STXBP5: variants seen among roughly 807,000 people sequenced by gnomAD.
STXBP5 encodes the protein syntaxin binding protein 5.
A neutral mutation model predicts 152.4 loss-of-function variants in STXBP5; 50 were observed. The observed-to-expected ratio is 0.33, with a 90% CI of 0.26 to 0.42. STXBP5 has a LOEUF of 0.42. STXBP5 is among the 10% of genes least tolerant of loss of function. The pLI is 1.00. For missense variants in STXBP5, 1,167 were observed against 1,388.6 expected (o/e 0.84, Z 2.54); for synonymous variants, 492 against 494.7 (o/e 0.99, Z 0.07).
chr6:147,301,647 C>T (rs1781822116), intron 9 of STXBP5, among the ~76,000 whole-genome samples: 2 of 152,146 alleles, frequency 1.3e-5, no homozygotes, highest in Admixed American at 6.6e-5. Flanking sequence ...AGAATATTTT[C>T]TCCCAGTCTT....
chr6:147,327,346 T>C lies in STXBP5; in HGVS notation c.2080+70T>C, dbSNP rs995957283. On this transcript the variant is annotated intron_variant, in intron 18 of 27. Transcript: ENST00000321680. ...AAATGCTGGCTTACTTTTGTGAATA[T>C]AAGTATTATAGTTAGGTAAATAGCT... 3.3e-6 allele frequency: 5 copies of C among 1,527,620 alleles called. No individual in the cohort carries two copies. The African/African-American group carries it at 6.9e-5, about 21-fold the overall frequency. 94.6% of individuals were successfully genotyped at this position (1,527,620 alleles called of 1,614,324 possible).
At chr6:147,276,038 A>C (rs1044833642) in intron 7 of STXBP5, among the ~76,000 whole-genome samples, 1 of 152,168 alleles carries the variant, frequency 6.6e-6, no homozygotes, top group Admixed American at 6.5e-5. Context: ...GATTTTGAGC[A>C]TGTGTCAGAT....
chr6:147,329,256 ATAT>A (rs1172596983), intron 18 of STXBP5, among the ~76,000 whole-genome samples: 1 of 148,262 alleles, frequency 6.7e-6, no homozygotes, highest in East Asian at 1.9e-4. Context: ...TATTATATTT[ATAT>A]TATTATTTGC....
At position 147,384,707 on chromosome 6, in the gene STXBP5, C is replaced by T. The variant is rs1202761246; in HGVS notation, c.3415-7C>T. On this transcript the variant is annotated splice_polypyrimidine_tract_variant and splice_region_variant and intron_variant, in intron 27 of 27. Coordinates refer to ENST00000321680, the MANE Select transcript of STXBP5 (RefSeq NM_001127715.4). The stretch of plus-strand genomic sequence containing the variant: ...AAAGCATGTTTTTCTTTTTTTTCCC[C>T]CTTTAGATTATGTTGAAATACAAAG... The T allele has an allele frequency of 4.3e-6, 7 of 1,609,218 alleles. No individual in the cohort carries two copies. In the African/African-American group the frequency reaches 6.7e-5, roughly 15 times the overall value.
At chr6:147,250,046 G>C (rs1188821299) in intron 4 of STXBP5, among the ~76,000 whole-genome samples, 2 of 152,172 alleles carry the variant, frequency 1.3e-5, no homozygotes, top group African/African-American at 4.8e-5. Context: ...AATTGCATCA[G>C]TAGAACATTG....
At chr6:147,353,108 C>T (rs955631277) in intron 21 of STXBP5, among the ~76,000 whole-genome samples, 6 of 152,130 alleles carry the variant, frequency 3.9e-5, no homozygotes, top group African/African-American at 1.4e-4. Context: ...CACACCACTG[C>T]ACTCAGCCTG....
chr6:147,236,406 T>C (rs1778271158), intron 3 of STXBP5, among the ~76,000 whole-genome samples: 1 of 152,200 alleles, frequency 6.6e-6, no homozygotes, highest in Admixed American at 6.5e-5. Context: ...TATGGAATCA[T>C]TATACTCATG....
chr6:147,280,844 A>G (rs916580379), intron 8 of STXBP5, among the ~76,000 whole-genome samples: 7 of 152,190 alleles, frequency 4.6e-5, no homozygotes, highest in Non-Finnish European at 1.0e-4. Context: ...TGAAATATAA[A>G]TGGATTTTTT....
intron 16 of STXBP5, among the ~76,000 whole-genome samples, chr6:147,321,118 T>A (rs749670174): frequency 9.9e-5 from 15 of 152,264 alleles, no homozygotes; most frequent in African/African-American, 2.9e-4. Context: ...GTGATTTTTT[T>A]AAAAATCACA....
At chr6:147,205,667 T>G (rs1776511890) in intron 1 of STXBP5, among the ~76,000 whole-genome samples, 1 of 152,148 alleles carries the variant, frequency 6.6e-6, no homozygotes. Context: ...ATTGCAAACT[T>G]TAGTCATCTG....
rs1031035415 is a variant in STXBP5, at chr6:147,329,751, G to A, written c.2080+2475G>A. Among the ~76,000 whole-genome samples, 5 of 143,708 alleles carry A rather than the reference G, an allele frequency of 3.5e-5. No homozygotes were observed. In the South Asian group the frequency reaches 7.0e-4, roughly 20 times the overall value. The allele number at this position is 143,708 out of a possible 152,430, so 94.3% of individuals were successfully genotyped here. On this transcript the variant is annotated intron_variant, in intron 18 of 27. Transcript: ENST00000321680. ...CGCCATTCTCCTGCCTCAGCCTCCC[G>A]AGTAGCTGGGACTACAGGCGCCCGC...
At chr6:147,383,255 A>G (rs1342672925) in intron 27 of STXBP5, among the ~76,000 whole-genome samples, 1 of 152,122 alleles carries the variant, frequency 6.6e-6, no homozygotes, top group Non-Finnish European at 1.5e-5. Flanking sequence ...CAAAGCTACC[A>G]GCTTTGCAAC....
At chr6:147,298,605 T>G (rs1351238598) in intron 9 of STXBP5, among the ~76,000 whole-genome samples, 1 of 152,014 alleles carries the variant, frequency 6.6e-6, no homozygotes, top group Non-Finnish European at 1.5e-5. Context: ...TTAACACATG[T>G]GAGAAGATAG....
At chr6:147,306,267 G>A (rs955364386) in intron 9 of STXBP5, among the ~76,000 whole-genome samples, 3 of 152,188 alleles carry the variant, frequency 2.0e-5, no homozygotes, top group Non-Finnish European at 4.4e-5. Flanking sequence ...TTTTGGGGAT[G>A]CAGAGCTAGA....
intron 2 of STXBP5, among the ~76,000 whole-genome samples, chr6:147,213,970 G>T (rs1777030231): frequency 6.6e-6 from 1 of 152,058 alleles, no homozygotes; most frequent in Non-Finnish European, 1.5e-5. Flanking sequence ...TGATTTTTAT[G>T]AAATAAACCA....
chr6:147,323,494 C>T (rs1023704299), intron 16 of STXBP5, among the ~76,000 whole-genome samples: 1 of 151,868 alleles, frequency 6.6e-6, no homozygotes, highest in Non-Finnish European at 1.5e-5. Context: ...CAGGTTCAGG[C>T]GATTCTCCTG....
At chr6:147,352,686 CT>C (rs1784643262) in intron 21 of STXBP5, among the ~76,000 whole-genome samples, 1 of 152,156 alleles carries the variant, frequency 6.6e-6, no homozygotes, top group Non-Finnish European at 1.5e-5. Flanking sequence ...CATACCCAAA[CT>C]TAGTCTTAGG....
chr6:147,214,548 T>G (rs1777062046), intron 2 of STXBP5, among the ~76,000 whole-genome samples: 1 of 152,226 alleles, frequency 6.6e-6, no homozygotes. Context: ...AATTCTTATG[T>G]TTAAAACCCA....
chr6:147,366,290 A>T (rs924032071), intron 25 of STXBP5, among the ~76,000 whole-genome samples: 1 of 152,232 alleles, frequency 6.6e-6, no homozygotes, highest in African/African-American at 2.4e-5. Flanking sequence ...GAGGATTTGT[A>T]GAAACCATTC....
Sources: allele counts gnomAD v4.1 joint callset (sites outside exome capture counted in the v4.1 genomes callset), GRCh38; gene constraint gnomAD v4.1.1; transcripts MANE v1.5; gene names NCBI Gene and HGNC (gene_info 2026-07-23, HGNC 2026-07-21).